ELL2: variants seen among roughly 807,000 people sequenced by gnomAD.
ELL2 encodes the protein elongation factor for RNA polymerase II 2.
Under a neutral mutation model 72.8 loss-of-function variants are expected in ELL2, and 21 were observed. The ratio of observed to expected loss-of-function variants is 0.29; its 90% confidence interval spans 0.20 to 0.42. The LOEUF is 0.42. Among genes scored for constraint, ELL2 ranks in the 10% least tolerant of loss-of-function variants. The pLI, the probability that ELL2 is intolerant of heterozygous loss-of-function variation, is 1.00. For synonymous variants in ELL2, 266 were observed against 283.2 expected (o/e 0.94, Z 0.61); for missense variants, 568 against 772.8 (o/e 0.73, Z 3.14).
chr5:95,898,954 T>C, intron 7 of ELL2, 144 bp from the exon 8 acceptor site: 1 of 557,302 alleles, frequency 1.8e-6, no homozygotes, highest in Non-Finnish European at 2.7e-6. Flanking sequence ...TTCTTCATGC[T>C]TAAGCAAAAA....
chr5:95,933,354 C>G (rs1441725208), intron 2 of ELL2, among the ~76,000 whole-genome samples: 1 of 152,046 alleles, frequency 6.6e-6, no homozygotes, highest in African/African-American at 2.4e-5. Context: ...TTAATCATAC[C>G]ATTATTGTTA....
chr5:95,908,621 C>G (rs1749466645), intron 4 of ELL2, among the ~76,000 whole-genome samples: 1 of 152,152 alleles, frequency 6.6e-6, no homozygotes, highest in South Asian at 2.1e-4. Flanking sequence ...CGTTGCCAGG[C>G]TGCCAGTGTG....
chr5:95,958,573 C>T (rs2112364846), intron 1 of ELL2, among the ~76,000 whole-genome samples: 1 of 152,302 alleles, frequency 6.6e-6, no homozygotes, highest in Non-Finnish European at 1.5e-5. Context: ...CTTGCTTGTC[C>T]ACACCCCTTA....
At chr5:95,952,211 A>C (rs1324159779) in intron 1 of ELL2, among the ~76,000 whole-genome samples, 1 of 152,206 alleles carries the variant, frequency 6.6e-6, no homozygotes. Flanking sequence ...GAACAAAAAA[A>C]CAAATACTGT....
chr5:95,903,234 T>TTTTC (rs1554075435), intron 5 of ELL2, among the ~76,000 whole-genome samples: 1 of 109,446 alleles, frequency 9.1e-6, no homozygotes, highest in African/African-American at 4.2e-5. Flanking sequence ...TTTTTTTTTT[T>TTTTC]CCGAGACAGA....
intron 2 of ELL2, among the ~76,000 whole-genome samples, chr5:95,925,264 T>C (rs561755721): frequency 6.6e-6 from 1 of 152,272 alleles, no homozygotes; most frequent in East Asian, 1.9e-4. Flanking sequence ...CAATTCCTGG[T>C]GTTAAAGTGG....
intron 2 of ELL2, 45 bp downstream of exon 2, chr5:95,942,957 T>C: frequency 6.8e-7 from 1 of 1,474,230 alleles, no homozygotes; most frequent in Non-Finnish European, 9.1e-7. Context: ...TTGAATAGCG[T>C]GCAAGAACAT....
At chr5:95,915,600 G>C (rs953692733) in intron 3 of ELL2, among the ~76,000 whole-genome samples, 1 of 152,016 alleles carries the variant, frequency 6.6e-6, no homozygotes, top group Non-Finnish European at 1.5e-5. Context: ...GACAAGGATG[G>C]ACAAACTGGA....
At chr5:95,955,907 G>C (rs527525399) in intron 1 of ELL2, among the ~76,000 whole-genome samples, 1 of 151,900 alleles carries the variant, frequency 6.6e-6, no homozygotes, top group East Asian at 1.9e-4. Flanking sequence ...GCAGAGAAAA[G>C]GGTCATCACA....
intron 7 of ELL2, among the ~76,000 whole-genome samples, chr5:95,899,916 G>A (rs899540351): frequency 4.6e-5 from 7 of 151,772 alleles, no homozygotes; most frequent in African/African-American, 1.5e-4. Context: ...TCTGATGTGC[G>A]AATGGCTGTT....
chr5:95,893,585 C>G (rs1748748337), intron 9 of ELL2, among the ~76,000 whole-genome samples: 1 of 152,110 alleles, frequency 6.6e-6, no homozygotes, highest in African/African-American at 2.4e-5. Flanking sequence ...CGGGGTTTCA[C>G]CATGTTAGCC....
At chr5:95,895,585 T>C in intron 9 of ELL2, 43 bp downstream of exon 9, 1 of 1,569,244 alleles carries the variant, frequency 6.4e-7, no homozygotes, top group Non-Finnish European at 8.7e-7. Flanking sequence ...GCAAACTTTC[T>C]AAAATTAAGC....
chr5:95,938,815 T>C (rs1026214953), intron 2 of ELL2, among the ~76,000 whole-genome samples: 1 of 152,184 alleles, frequency 6.6e-6, no homozygotes. Flanking sequence ...AGCAACTAAA[T>C]TAGAAAGAAT....
intron 1 of ELL2, among the ~76,000 whole-genome samples, chr5:95,944,753 C>T (rs1470938171): frequency 1.3e-5 from 2 of 152,188 alleles, no homozygotes; most frequent in African/African-American, 4.8e-5. Flanking sequence ...GAATGTCTCT[C>T]CAAATCAGAA....
At chr5:95,921,535 T>C (rs1043550994) in intron 2 of ELL2, among the ~76,000 whole-genome samples, 1 of 152,214 alleles carries the variant, frequency 6.6e-6, no homozygotes, top group African/African-American at 2.4e-5. Flanking sequence ...ACTCTGTAGG[T>C]AGGTATTCAT....
chr5:95,911,891 A>C (rs1749615856), intron 4 of ELL2, among the ~76,000 whole-genome samples: 1 of 152,224 alleles, frequency 6.6e-6, no homozygotes, highest in African/African-American at 2.4e-5. Context: ...CAAAGCAAAG[A>C]GGAAAAGGCC....
At position 95,907,244 on chromosome 5, in the gene ELL2, G is replaced by C. The variant is rs536462683; in HGVS notation, c.482-462C>G. ...TCACACGTTCAGAAGCCACAAAGAG[G>C]GGGGAGGTCAACATCATGAGGCATC... On this transcript the variant is annotated intron_variant, in intron 4 of 11. Transcript: ENST00000237853. Among the ~76,000 whole-genome samples, 549 of 148,878 alleles carry C rather than the reference G, an allele frequency of 3.7e-3. 5 individuals carry two copies. Among genetic ancestry groups the C allele is most frequent in the African/African-American group, 0.013 (518 of 39,884 alleles).
chr5:95,900,804 T>A, intron 6 of ELL2, 24 bp from the exon 7 acceptor site: 1 of 1,586,896 alleles, frequency 6.3e-7, no homozygotes, highest in South Asian at 1.2e-5. Flanking sequence ...ACATGTTATG[T>A]GTTAAGGAGA....
In ELL2 at chr5:95,898,743, G is replaced by A. The variant is rs377373638; in HGVS notation, c.1022C>T (p.Thr341Met). The change falls in exon 8 of 12, where the codon ACG becomes ATG. Residue 341 changes from threonine (T) to methionine (M), a missense_variant. Transcript: ENST00000237853. ...MNKKARISHLTNRVPPTLNGH... is the reference protein window; with the variant it reads ...MNKKARISHLMNRVPPTLNGH... ...ATTTAGTGTTGGTGGTACTCTGTTCGTCAGGTGAGATATTCGGGCTTTTTT... is the reference window on the plus strand; with the variant it reads ...ATTTAGTGTTGGTGGTACTCTGTTCATCAGGTGAGATATTCGGGCTTTTTT... 9.5e-6 allele frequency: 15 copies of A among 1,578,734 alleles called. No homozygotes were observed. Among genetic ancestry groups the A allele is most frequent in the East Asian group, 4.5e-5 (2 of 44,284 alleles).
Sources: gnomAD v4.1 joint callset for allele counts (sites outside exome capture counted in the v4.1 genomes callset) on GRCh38, gnomAD v4.1.1 for gene constraint, MANE v1.5 for transcripts, NCBI Gene and HGNC (gene_info 2026-07-23, HGNC 2026-07-21) for gene names.